The following ADGRF1 variants were observed in gnomAD, a reference collection of about 807,000 sequenced individuals.
The protein encoded by ADGRF1 is adhesion G protein-coupled receptor F1, also known as G protein-coupled receptor 110.
Under a neutral mutation model 87.2 loss-of-function variants are expected in ADGRF1, and 85 were observed. The ratio of observed to expected loss-of-function variants is 0.97; its 90% CI spans 0.82 to 1.17. The LOEUF is 1.17. ADGRF1 is among the 50% of genes most tolerant of loss of function. The pLI is 0.00. For missense variants in ADGRF1, 1,169 were observed against 1,077.2 expected, an observed-to-expected ratio of 1.09 and a Z score of -1.19; for synonymous variants, 430 against 408.8, an observed-to-expected ratio of 1.05 and a Z score of -0.63.
chr6:47,032,710 A>G (rs1327960343), intron 1 of ADGRF1, among the ~76,000 whole-genome samples: 1 of 152,220 alleles, frequency 6.6e-6, no homozygotes, highest in Non-Finnish European at 1.5e-5. Flanking sequence ...TTGAATGAGT[A>G]CTTTGCAAGT....
chr6:47,008,907 C>A (rs1209341769), intron 11 of ADGRF1, 38 bp downstream of exon 11: 33 of 1,523,120 alleles, frequency 2.2e-5, no homozygotes, highest in Non-Finnish European at 2.7e-5. Context: ...TTATTCCAAT[C>A]ACTTGACAAT....
intron 1 of ADGRF1, among the ~76,000 whole-genome samples, chr6:47,031,082 G>A (rs1780404521): frequency 6.6e-6 from 1 of 152,042 alleles, no homozygotes; most frequent in African/African-American, 2.4e-5. Flanking sequence ...TCACCTCTAG[G>A]GAAGGATTTT....
In ADGRF1 at chr6:47,040,912, T is replaced by G. The variant is rs7762320; in HGVS notation, c.-44+1279A>C. Among the ~76,000 whole-genome samples, 995 of 152,302 alleles carry G rather than the reference T, an allele frequency of 6.5e-3. 5 individuals carry two copies. The highest frequency in any genetic ancestry group is 0.011 in the Non-Finnish European group (771 of 68,026). On this transcript the variant is annotated intron_variant, in intron 1 of 14. Transcript: ENST00000371253. ...CCCAGCAACAGACAGACCCTGTTAT[T>G]GGGACACTGTCCCTGTTTTTTAAGA...
chr6:47,040,017 T>C (rs1447422505), intron 1 of ADGRF1, among the ~76,000 whole-genome samples: 2 of 151,980 alleles, frequency 1.3e-5, no homozygotes, highest in African/African-American at 4.8e-5. Context: ...ACCATGTATC[T>C]ATCCAGTCAA....
At chr6:47,017,686 A>G (rs561843487) in intron 7 of ADGRF1, 2 of 146,180 alleles carry the variant, frequency 1.4e-5, no homozygotes, top group Non-Finnish European at 1.5e-5. Flanking sequence ...AAAGACGCCG[A>G]ACATGCAAAA....
At chr6:47,029,993 T>A (rs1294614189) in intron 1 of ADGRF1, among the ~76,000 whole-genome samples, 1 of 152,218 alleles carries the variant, frequency 6.6e-6, no homozygotes, top group Non-Finnish European at 1.5e-5. Flanking sequence ...GATGAGAAAG[T>A]TTGATTCCCA....
intron 1 of ADGRF1, among the ~76,000 whole-genome samples, chr6:47,040,738 C>T (rs1173892074): frequency 6.6e-6 from 1 of 152,132 alleles, no homozygotes; most frequent in East Asian, 1.9e-4. Flanking sequence ...TACTCTCAGC[C>T]AAAGCACTAA....
At chr6:47,012,821 G>A (rs141398908) in intron 9 of ADGRF1, 1 of 960,158 alleles carries the variant, frequency 1.0e-6, no homozygotes, top group African/African-American at 1.8e-5. Flanking sequence ...CCAGGCTGGA[G>A]TGCGGTGGCA....
intron 1 of ADGRF1, among the ~76,000 whole-genome samples, chr6:47,033,724 T>G (rs1045717294): frequency 1.3e-5 from 2 of 152,288 alleles, no homozygotes; most frequent in African/African-American, 4.8e-5. Flanking sequence ...TATCTCTCAT[T>G]TTATCAGTTT....
chr6:47,038,663 T>C (rs1780658918), intron 1 of ADGRF1, among the ~76,000 whole-genome samples: 1 of 152,188 alleles, frequency 6.6e-6, no homozygotes, highest in East Asian at 1.9e-4. Flanking sequence ...TCTACAGTGG[T>C]ATAGAACACT....
At chr6:47,002,196 G>A (rs1779382684) in intron 13 of ADGRF1, among the ~76,000 whole-genome samples, 1 of 151,970 alleles carries the variant, frequency 6.6e-6, no homozygotes, top group African/African-American at 2.4e-5. Context: ...ATCTCATATT[G>A]AATGCCTTTG....
At chr6:47,031,661 G>T (rs1369486925) in intron 1 of ADGRF1, among the ~76,000 whole-genome samples, 1 of 152,126 alleles carries the variant, frequency 6.6e-6, no homozygotes, top group African/African-American at 2.4e-5. Flanking sequence ...GAAAATGTGG[G>T]TGTCCCCGTC....
At chr6:47,002,806 T>A (rs1779395897) in intron 13 of ADGRF1, among the ~76,000 whole-genome samples, 1 of 152,108 alleles carries the variant, frequency 6.6e-6, no homozygotes, top group Non-Finnish European at 1.5e-5. Context: ...GACAGGGGCC[T>A]GAGCATGGAG....
At chr6:47,014,505 G>A (rs964869071) in intron 9 of ADGRF1, 176 bp downstream of exon 9, 12 of 1,375,594 alleles carry the variant, frequency 8.7e-6, no homozygotes, top group East Asian at 2.8e-5. Context: ...CTGCCCAGAC[G>A]CTACCACTCA....
intron 1 of ADGRF1, among the ~76,000 whole-genome samples, chr6:47,033,292 A>G (rs74832388): frequency 0.011 from 1,740 of 152,312 alleles, 38 homozygotes; most frequent in African/African-American, 0.039. Flanking sequence ...TTTACAGGGA[A>G]CAATCATTAG....
At chr6:47,025,830 T>A in intron 4 of ADGRF1, 24 bp downstream of exon 4, 1 of 1,562,358 alleles carries the variant, frequency 6.4e-7, no homozygotes, top group Admixed American at 1.8e-5. Flanking sequence ...CATTTATACA[T>A]CCAGTCACCG....
chr6:47,014,788 G>A lies in ADGRF1; in HGVS notation c.820C>T (p.Pro274Ser). ...FGSKDDEYTL[P>S]CSSGYRGNIT... ...TTTCCCCTGTAGCCACTGCTGCAGG[G>A]CAGGGTATATTCATCATCCTTGGAC... Residue 274 changes from proline to serine, a missense_variant, in exon 9 of 15, where the codon CCC becomes TCC. Coordinates refer to ENST00000371253, the MANE Select transcript of ADGRF1 (RefSeq NM_153840.4). The A allele has an allele frequency of 6.2e-7, 1 of 1,613,972 alleles. No homozygotes were observed. Among genetic ancestry groups the A allele is most frequent in the Non-Finnish European group, 8.5e-7 (1 of 1,179,944 alleles).
At position 46,998,754 on chromosome 6, in the gene ADGRF1, T is replaced by A. The variant is rs527938148; in HGVS notation, c.*1468A>T. 5.3e-5 allele frequency: 8 copies of A among 152,356 alleles called. No homozygotes were observed. The highest frequency in any genetic ancestry group is 1.9e-4 in the African/African-American group (8 of 41,580). 9.4% of individuals were successfully genotyped at this position (152,356 alleles called of 1,614,324 possible). On this transcript the variant is annotated 3_prime_UTR_variant, in exon 15 of 15. Coordinates refer to ENST00000371253, the MANE Select transcript of ADGRF1 (RefSeq NM_153840.4). Reference sequence around the variant, plus strand: ...TAGAGTGAGAAGGCTCATAGAGCAGTTTTCTGCAAAGAAGTCTTTCTCATA... The same window carrying A: ...TAGAGTGAGAAGGCTCATAGAGCAGATTTCTGCAAAGAAGTCTTTCTCATA...
Position 47,027,693 on chromosome 6 carries a change from C to A in ADGRF1, c.127+11G>T. 2 of 1,596,806 alleles carry A rather than the reference C, an allele frequency of 1.3e-6. No homozygotes were observed. Among genetic ancestry groups the A allele is most frequent in the Non-Finnish European group, 1.7e-6 (2 of 1,164,788 alleles). On this transcript the variant is annotated intron_variant, in intron 3 of 14. Coordinates refer to ENST00000371253, the MANE Select transcript of ADGRF1 (RefSeq NM_153840.4). ...AAATCCACTGCACCATGCTGTCTAA[C>A]AGAGCCTCACCTAGATGTTTTTTCT...
Sources: allele counts gnomAD v4.1 joint callset (sites outside exome capture counted in the v4.1 genomes callset), GRCh38; gene constraint gnomAD v4.1.1; transcripts MANE v1.5; gene names NCBI Gene and HGNC (gene_info 2026-07-23, HGNC 2026-07-21).